Variants in SCAMP1 observed in about 807,000 individuals in gnomAD.
SCAMP1 encodes the protein secretory carrier membrane protein 1, also known as secretory carrier-associated membrane protein 1.
Under a neutral mutation model 41.8 loss-of-function variants are expected in SCAMP1, and 15 were observed. That is an observed-to-expected ratio of 0.36 (90% CI 0.24 to 0.55). SCAMP1 has a LOEUF of 0.55. Among genes scored for constraint, SCAMP1 ranks in the 20% least tolerant of loss-of-function variants. SCAMP1 has a pLI of 0.86. For synonymous variants in SCAMP1, 135 were observed against 136.8 expected (o/e 0.99, Z 0.09); for missense variants, 341 against 412.6 (o/e 0.83, Z 1.50).
At chr5:78,364,908 T>C (rs560819074) in intron 1 of SCAMP1, among the ~76,000 whole-genome samples, 1 of 146,732 alleles carries the variant, frequency 6.8e-6, no homozygotes, top group East Asian at 2.1e-4. Flanking sequence ...GGGAGAAGGA[T>C]AGGAGATATA....
chr5:78,450,044 T>G lies in SCAMP1; in HGVS notation c.734+10T>G. 3 of 1,455,748 alleles carry G rather than the reference T, an allele frequency of 2.1e-6. No homozygotes were observed. Among genetic ancestry groups the G allele is most frequent in the Non-Finnish European group, 2.8e-6 (3 of 1,061,628 alleles). 90.2% of individuals were successfully genotyped at this position (1,455,748 alleles called of 1,614,324 possible). On this transcript the variant is annotated intron_variant, in intron 7 of 8. Transcript: ENST00000621999. Reference sequence around the variant, plus strand: ...ATAACTGGGGCAATTGGTAAGTTTTTTTTTTTACTAGTTTTCAGCTTTAAT... The same window carrying G: ...ATAACTGGGGCAATTGGTAAGTTTTGTTTTTTACTAGTTTTCAGCTTTAAT...
intron 7 of SCAMP1, among the ~76,000 whole-genome samples, chr5:78,453,060 A>C (rs1020747897): frequency 1.2e-4 from 18 of 147,706 alleles, no homozygotes; most frequent in African/African-American, 4.1e-4. Context: ...AATTTGTTTG[A>C]GTTCATTGTA....
chr5:78,475,583 A>G lies in SCAMP1; in HGVS notation c.932A>G (p.Lys311Arg). 2 of 1,610,816 alleles carry G rather than the reference A, an allele frequency of 1.2e-6. No homozygotes were observed. Among genetic ancestry groups the G allele is most frequent in the Admixed American group, 1.7e-5 (1 of 59,220 alleles). Residue 311 changes from lysine to arginine, a missense_variant, in exon 9 of 9, where the codon AAA becomes AGA. By Grantham distance (26) the Lys-to-Arg change is conservative (BLOSUM62 2). Transcript: ENST00000621999. ...QEFATGVMSNKTVQTAAANAA... is the reference protein window; with the variant it reads ...QEFATGVMSNRTVQTAAANAA... ...TTTGCAACAGGTGTGATGTCCAACA[A>G]AACTGTCCAGACCGCAGCTGCAAAT...
At chr5:78,434,826 A>G (rs1352064652) in intron 6 of SCAMP1, among the ~76,000 whole-genome samples, 1 of 152,212 alleles carries the variant, frequency 6.6e-6, no homozygotes, top group East Asian at 1.9e-4. Flanking sequence ...TTACTGTTAC[A>G]GTATTTGAGG....
At position 78,462,248 on chromosome 5, in the gene SCAMP1, GT is replaced by G. The variant is rs1425279897; in HGVS notation, c.852+2888del. ...GTGTGTCTATTGTAAATGGGATTGG[GT>G]TCTTTATTTGGTTCTCAGCTTGAAC... is the stretch of plus-strand genomic sequence containing the variant. On this transcript the variant is annotated intron_variant, in intron 8 of 8. Transcript: ENST00000621999. Among the ~76,000 whole-genome samples the G allele has an allele frequency of 7.6e-4, 115 of 151,230 alleles. 3 individuals carry two copies. Among genetic ancestry groups the G allele is most frequent in the Admixed American group, 7.5e-3 (114 of 15,160 alleles).
At chr5:78,452,683 T>C (rs1315957758) in intron 7 of SCAMP1, among the ~76,000 whole-genome samples, 6 of 151,856 alleles carry the variant, frequency 4.0e-5, no homozygotes, top group African/African-American at 1.2e-4. Context: ...GCATGATTTA[T>C]AGTCCTTTGG....
chr5:78,372,539 G>T (rs1168369563), intron 1 of SCAMP1, among the ~76,000 whole-genome samples: 1 of 146,640 alleles, frequency 6.8e-6, no homozygotes, highest in Non-Finnish European at 1.5e-5. Flanking sequence ...AAAACTAATA[G>T]CTCAGATATT....
chr5:78,462,489 AT>A (rs886970679), intron 8 of SCAMP1, among the ~76,000 whole-genome samples: 3 of 151,598 alleles, frequency 2.0e-5, no homozygotes, highest in South Asian at 4.2e-4. Flanking sequence ...CACCTGGCTA[AT>A]TTTTTTTGTA....
chr5:78,411,570 C>A (rs1752077865), intron 2 of SCAMP1, among the ~76,000 whole-genome samples: 1 of 151,850 alleles, frequency 6.6e-6, no homozygotes, highest in Non-Finnish European at 1.5e-5. Context: ...TTTTTTTAAT[C>A]ACTTATTTGT....
chr5:78,388,783 AT>A, intron 1 of SCAMP1, 53 bp from the exon 2 acceptor site: 1 of 962,710 alleles, frequency 1.0e-6, no homozygotes, highest in Non-Finnish European at 1.6e-6. Flanking sequence ...AAATATCAAA[AT>A]TATTTTTTAA....
At chr5:78,452,915 G>T (rs1753276734) in intron 7 of SCAMP1, among the ~76,000 whole-genome samples, 1 of 150,228 alleles carries the variant, frequency 6.7e-6, no homozygotes, top group African/African-American at 2.5e-5. Flanking sequence ...TTGTGGTTTT[G>T]ATTTGCATTT....
At chr5:78,388,709 T>C (rs894353320) in intron 1 of SCAMP1, 128 bp from the exon 2 acceptor site, 26 of 484,134 alleles carry the variant, frequency 5.4e-5, no homozygotes, top group Non-Finnish European at 7.4e-5. Flanking sequence ...CTGAGAGCCT[T>C]CTTTTATTTT....
chr5:78,432,555 C>G (rs1752649842), intron 6 of SCAMP1, among the ~76,000 whole-genome samples: 2 of 152,128 alleles, frequency 1.3e-5, no homozygotes, highest in South Asian at 4.1e-4. Context: ...TGCAAAGATT[C>G]TGGCTAGAAG....
intron 6 of SCAMP1, among the ~76,000 whole-genome samples, chr5:78,446,099 T>C (rs1029640510): frequency 1.3e-5 from 2 of 152,228 alleles, no homozygotes; most frequent in African/African-American, 4.8e-5. Flanking sequence ...AAAATAAAAC[T>C]AGACAAAAGT....
At position 78,459,309 on chromosome 5, in the gene SCAMP1, A is replaced by G. The variant is rs1753522075; in HGVS notation, c.799A>G (p.Ile267Val). 1 of 1,609,606 alleles carries G rather than the reference A, an allele frequency of 6.2e-7. No individual in the cohort carries two copies. Among genetic ancestry groups the G allele is most frequent in the Non-Finnish European group, 8.5e-7 (1 of 1,176,390 alleles). Residue 267 changes from isoleucine to valine, a missense_variant, in exon 8 of 9, where the codon ATA becomes GTA. Ile to Val is a conservative substitution (Grantham distance 29, BLOSUM62 3). Transcript: ENST00000621999. Reference sequence around the variant, plus strand: ...TCCTGTTGGAATCATGATGATAATCATAGCAGCACTTTTCACAGCATCAGC... The same window carrying G: ...TCCTGTTGGAATCATGATGATAATCGTAGCAGCACTTTTCACAGCATCAGC... ...NIPVGIMMIIIAALFTASAVI... is the reference protein window; with the variant it reads ...NIPVGIMMIIVAALFTASAVI...
rs1753168036 is a variant in SCAMP1, at chr5:78,449,678, G to A, written c.633-255G>A. ...TTTTTTTGTCAAGAGGGATTGTGGT[G>A]CAGTTGGAAATTGAAAGTTTGTCCT... On this transcript the variant is annotated intron_variant, in intron 6 of 8. Coordinates refer to ENST00000621999, the MANE Select transcript of SCAMP1 (RefSeq NM_004866.6). Among the ~76,000 whole-genome samples the A allele has an allele frequency of 2.0e-5, 3 of 152,150 alleles. No individual in the cohort carries two copies. The South Asian group carries it at 6.2e-4, about 32-fold the overall frequency.
chr5:78,407,131 A>G (rs1751954752), intron 2 of SCAMP1, among the ~76,000 whole-genome samples: 1 of 152,218 alleles, frequency 6.6e-6, no homozygotes, highest in Admixed American at 6.5e-5. Context: ...AAGATGATAT[A>G]CTATGGAGTG....
chr5:78,421,741 G>T, intron 5 of SCAMP1, 60 bp from the exon 6 acceptor site: 1 of 1,432,966 alleles, frequency 7.0e-7, no homozygotes, highest in Non-Finnish European at 9.6e-7. Context: ...TTTTTTGTTG[G>T]ATGAATTCAT....
chr5:78,392,403 C>T lies in SCAMP1; in HGVS notation c.135+3489C>T, dbSNP rs370604133. ...TTTTGCCTTTTTCATTTTGCTAGTG[C>T]TATCTTTGGAGATAGTTGCTTAAGA... On this transcript the variant is annotated intron_variant, in intron 2 of 8. Coordinates refer to ENST00000621999, the MANE Select transcript of SCAMP1 (RefSeq NM_004866.6). Among the ~76,000 whole-genome samples the T allele has an allele frequency of 1.2e-4, 18 of 152,284 alleles. 1 individual carries two copies. In the East Asian group the frequency reaches 2.9e-3, roughly 24 times the overall value.
Sources: allele counts gnomAD v4.1 joint callset (sites outside exome capture counted in the v4.1 genomes callset), GRCh38; gene constraint gnomAD v4.1.1; transcripts MANE v1.5; gene names NCBI Gene and HGNC (gene_info 2026-07-23, HGNC 2026-07-21).